KCNK2: variants seen among roughly 807,000 people sequenced by gnomAD.
KCNK2 encodes the protein potassium channel subfamily K member 2.
KCNK2 carries 21 observed loss-of-function variants against 40.5 expected under a neutral mutation model. That is an observed-to-expected ratio of 0.52 (90% CI 0.37 to 0.75). KCNK2 has a LOEUF of 0.75. Among genes scored for constraint, KCNK2 ranks in the 30% least tolerant of loss-of-function variants. The pLI, the probability that KCNK2 is intolerant of heterozygous loss-of-function variation, is 0.00. For missense variants in KCNK2, 399 were observed against 531.6 expected, an observed-to-expected ratio of 0.75 and a Z score of 2.45; for synonymous variants, 191 against 202.2, an observed-to-expected ratio of 0.94 and a Z score of 0.47.
At chr1:215,092,361 T>A (rs1172881328) in intron 2 of KCNK2, among the ~76,000 whole-genome samples, 1 of 152,036 alleles carries the variant, frequency 6.6e-6, no homozygotes, top group Non-Finnish European at 1.5e-5. Flanking sequence ...GTCAGGAGCT[T>A]AGCTTTGGAC....
In KCNK2 at chr1:215,143,692, C is replaced by A. The variant is rs56053976; in HGVS notation, c.475+18942C>A. ...CTTGTAGTGTTGGCACTTATAACCTCTTAACTCTGACCTCTGCCTCTAGTG... is the reference window on the plus strand; with the variant it reads ...CTTGTAGTGTTGGCACTTATAACCTATTAACTCTGACCTCTGCCTCTAGTG... On this transcript the variant is annotated intron_variant, in intron 3 of 6. Coordinates refer to ENST00000444842, the MANE Select transcript of KCNK2 (RefSeq NM_001017425.3). Among the ~76,000 whole-genome samples, 1,474 of 152,224 alleles carry A rather than the reference C, an allele frequency of 9.7e-3. 23 individuals are homozygous for A. Among genetic ancestry groups the A allele is most frequent in the South Asian group, 0.061 (295 of 4,832 alleles).
At chr1:215,076,918 G>A (rs1658963631) in intron 1 of KCNK2, among the ~76,000 whole-genome samples, 1 of 152,218 alleles carries the variant, frequency 6.6e-6, no homozygotes, top group Non-Finnish European at 1.5e-5. Context: ...GAATATGTAT[G>A]TGGCTTAAGG....
At chr1:215,124,478 T>C (rs1443663060) in intron 2 of KCNK2, among the ~76,000 whole-genome samples, 155 bp from the exon 3 acceptor site, 1 of 152,204 alleles carries the variant, frequency 6.6e-6, no homozygotes, top group Non-Finnish European at 1.5e-5. Flanking sequence ...TTCTCCAGTA[T>C]AAAGTTTTAA....
chr1:215,132,926 A>C (rs1294743489), intron 3 of KCNK2, among the ~76,000 whole-genome samples: 1 of 152,252 alleles, frequency 6.6e-6, no homozygotes, highest in African/African-American at 2.4e-5. Context: ...TGTATGTTAC[A>C]TCAGGCAAGA....
chr1:215,077,069 G>A (rs1658969374), intron 1 of KCNK2, among the ~76,000 whole-genome samples: 1 of 152,176 alleles, frequency 6.6e-6, no homozygotes, highest in Non-Finnish European at 1.5e-5. Flanking sequence ...CAGGCTCAAG[G>A]TCAGCGGTAT....
chr1:215,006,301 T>A (rs1249931410), intron 1 of KCNK2, among the ~76,000 whole-genome samples: 1 of 152,218 alleles, frequency 6.6e-6, no homozygotes, highest in Non-Finnish European at 1.5e-5. Flanking sequence ...TTTACTTTGG[T>A]TTCATGCTGT....
chr1:215,030,220 T>TA, intron 1 of KCNK2, among the ~76,000 whole-genome samples: 1 of 152,354 alleles, frequency 6.6e-6, no homozygotes, highest in Non-Finnish European at 1.5e-5. Context: ...AGGTGTCTGT[T>TA]ACGGTCTTTG....
At chr1:215,114,875 ATCTG>A (rs1660852243) in intron 2 of KCNK2, among the ~76,000 whole-genome samples, 3 of 152,194 alleles carry the variant, frequency 2.0e-5, no homozygotes, top group Non-Finnish European at 2.9e-5. Context: ...CTGAAACAGG[ATCTG>A]TCTATCAGGA....
Position 215,235,124 on chromosome 1 carries a change from T to G in KCNK2, c.1260T>G (p.Ala420=). 6.3e-7 allele frequency: 1 copy of G among 1,598,102 alleles called. No individual in the cohort carries two copies. Among genetic ancestry groups the G allele is most frequent in the Non-Finnish European group, 8.6e-7 (1 of 1,166,706 alleles). ...LTPHCAGEEI[A]VIENIK ...CACACTGTGCTGGTGAAGAGATTGC[T>G]GTGATTGAGAACATCAAATAGCCCT... is the stretch of plus-strand genomic sequence containing the variant. Residue 420 remains alanine (A), a synonymous_variant, in exon 7 of 7, where the codon GCT becomes GCG. Coordinates refer to ENST00000444842, the MANE Select transcript of KCNK2 (RefSeq NM_001017425.3).
At chr1:215,140,841 G>C (rs1662141010) in intron 3 of KCNK2, among the ~76,000 whole-genome samples, 1 of 152,034 alleles carries the variant, frequency 6.6e-6, no homozygotes, top group African/African-American at 2.4e-5. Flanking sequence ...TAATAAATTA[G>C]CTTTCCATAA....
intron 1 of KCNK2, among the ~76,000 whole-genome samples, chr1:215,056,499 C>CAAAAAAAAAAAAAAAAAAAAAAAA (rs376076606): frequency 1.8e-5 from 1 of 55,176 alleles, no homozygotes; most frequent in African/African-American, 8.2e-5. Flanking sequence ...GACTCAGTCT[C>CAAAAAAAAAAAAAAAAAAAAAAAA]AAAAAAAAAA....
intron 5 of KCNK2, among the ~76,000 whole-genome samples, chr1:215,183,957 T>C (rs548263216): frequency 6.6e-6 from 1 of 152,294 alleles, no homozygotes; most frequent in South Asian, 2.1e-4. Flanking sequence ...CTAATATCCA[T>C]GAAGATGGGG....
intron 2 of KCNK2, among the ~76,000 whole-genome samples, chr1:215,119,754 A>G (rs953788092): frequency 2.0e-5 from 3 of 152,158 alleles, no homozygotes; most frequent in Non-Finnish European, 2.9e-5. Flanking sequence ...ACATGACTTG[A>G]TTGTACAGAA....
intron 3 of KCNK2, among the ~76,000 whole-genome samples, chr1:215,143,688 A>G (rs1388913626): frequency 6.6e-6 from 1 of 152,106 alleles, no homozygotes; most frequent in Admixed American, 6.6e-5. Context: ...GGCACTTATA[A>G]CCTCTTAACT....
chr1:215,159,011 A>G (rs1188675310), intron 3 of KCNK2, among the ~76,000 whole-genome samples: 3 of 152,108 alleles, frequency 2.0e-5, no homozygotes, highest in Non-Finnish European at 4.4e-5. Context: ...TCACCCTCCC[A>G]AGTAGGTCAG....
At chr1:215,225,239 TA>T (rs1269686836) in intron 6 of KCNK2, among the ~76,000 whole-genome samples, 2 of 152,196 alleles carry the variant, frequency 1.3e-5, no homozygotes, top group African/African-American at 4.8e-5. Context: ...AATGCAATTT[TA>T]TTTTTTTATC....
intron 5 of KCNK2, among the ~76,000 whole-genome samples, chr1:215,194,564 T>C (rs17024396): frequency 0.01 from 1,572 of 152,214 alleles, 35 homozygotes; most frequent in African/African-American, 0.036. Context: ...ATATGCTAAG[T>C]TAAATGCACA....
chr1:215,114,863 G>A (rs906350438), intron 2 of KCNK2, among the ~76,000 whole-genome samples: 8 of 152,054 alleles, frequency 5.3e-5, no homozygotes, highest in African/African-American at 1.9e-4. Context: ...ATTTTATGGG[G>A]CCTGAAACAG....
intron 1 of KCNK2, among the ~76,000 whole-genome samples, chr1:215,012,135 A>G (rs555011372): frequency 3.9e-5 from 6 of 152,264 alleles, no homozygotes; most frequent in Non-Finnish European, 7.4e-5. Flanking sequence ...GTTTTTTTGT[A>G]TAAATGCAAG....
Sources: allele counts gnomAD v4.1 joint callset (sites outside exome capture counted in the v4.1 genomes callset), GRCh38; gene constraint gnomAD v4.1.1; transcripts MANE v1.5; gene names NCBI Gene and HGNC (gene_info 2026-07-23, HGNC 2026-07-21).